Variants in PYROXD1 observed in about 807,000 individuals in gnomAD.
PYROXD1 encodes tRNA ligase complex-associated NAD(P)H dehydrogenase PYROXD1.
In PYROXD1, 42 loss-of-function variants were observed where a neutral mutation model predicts 62.0. That is an observed-to-expected ratio of 0.68 (90% CI 0.53 to 0.88). The LOEUF is 0.88. PYROXD1 is among the 40% of genes least tolerant of loss of function. The probability of loss-of-function intolerance (pLI) is 0.00; values close to 1 mark genes in which losing one functional copy is unlikely to be tolerated. For missense variants in PYROXD1, 493 were observed against 604.8 expected (o/e 0.82, Z 1.94); for synonymous variants, 170 against 206.4 (o/e 0.82, Z 1.51).
At chr12:21,458,087 C>T (rs1318324650) in intron 7 of PYROXD1, among the ~76,000 whole-genome samples, 1 of 152,144 alleles carries the variant, frequency 6.6e-6, no homozygotes, top group Non-Finnish European at 1.5e-5. Flanking sequence ...TTGACTTCTC[C>T]TCTATAGTTG....
chr12:21,459,020 G>A (rs1166732258), intron 7 of PYROXD1, among the ~76,000 whole-genome samples: 2 of 152,152 alleles, frequency 1.3e-5, no homozygotes, highest in African/African-American at 2.4e-5. Context: ...CAGTAGTGAA[G>A]CACAATAAAA....
intron 2 of PYROXD1, among the ~76,000 whole-genome samples, chr12:21,444,742 G>C (rs1337913386): frequency 6.6e-6 from 1 of 152,168 alleles, no homozygotes; most frequent in East Asian, 1.9e-4. Context: ...GAGCAGCTGA[G>C]GTTGAATATC....
rs370239493 is a variant in PYROXD1 at position 21,437,752 on chromosome 12, C to A, written c.22C>A (p.Pro8Thr). The A allele has an allele frequency of 3.5e-5, 56 of 1,613,086 alleles. 2 individuals are homozygous for A. In the Middle Eastern group the frequency reaches 1.2e-3, roughly 33 times the overall value. MEAARPP[P>T]TAGKFVVVGG... is the part of the protein sequence containing the mutation. ...CAGCATGGAGGCAGCGCGCCCTCCCCCGACGGCAGGGAAGTTCGTGGTGGT... is the reference window on the plus strand; with the variant it reads ...CAGCATGGAGGCAGCGCGCCCTCCCACGACGGCAGGGAAGTTCGTGGTGGT... The change falls in exon 1 of 12, where the codon CCG (proline) becomes ACG (threonine). Residue 8 changes from proline (P) to threonine (T), a missense_variant. By Grantham distance (38) the Pro-to-Thr change is conservative. Coordinates refer to ENST00000240651, the MANE Select transcript of PYROXD1 (RefSeq NM_024854.5).
chr12:21,464,361 T>G (rs1942753121), intron 10 of PYROXD1, among the ~76,000 whole-genome samples: 1 of 152,070 alleles, frequency 6.6e-6, no homozygotes, highest in Non-Finnish European at 1.5e-5. Context: ...GTTGTTACTG[T>G]GCTCAGTTTA....
At chr12:21,455,725 A>G (rs1942584294) in intron 6 of PYROXD1, among the ~76,000 whole-genome samples, 1 of 151,946 alleles carries the variant, frequency 6.6e-6, no homozygotes, top group African/African-American at 2.4e-5. Context: ...TTTGAAGGCT[A>G]ATTTTCTTAC....
intron 2 of PYROXD1, among the ~76,000 whole-genome samples, chr12:21,442,353 G>A (rs528812129): frequency 6.6e-6 from 1 of 152,304 alleles, no homozygotes; most frequent in Admixed American, 6.5e-5. Context: ...TGCTTGTGAG[G>A]CAGCCAGGGA....
At chr12:21,447,981 T>TTA in intron 3 of PYROXD1, 1 of 274,436 alleles carries the variant, frequency 3.6e-6, no homozygotes, top group East Asian at 6.8e-5. Context: ...AGACTCCATC[T>TTA]AAAAAAAAAA....
At position 21,468,833 on chromosome 12, in the gene PYROXD1, ATTGAG is replaced by A. The variant is rs1401153621; in HGVS notation, c.*82_*86del. Reference sequence around the variant, plus strand: ...ACAAGTCAATAAAATGAATGACTGTATTGAGTTAATGATGACCACACTGAAAATTA... The same window carrying A: ...ACAAGTCAATAAAATGAATGACTGTATTAATGATGACCACACTGAAAATTA... On this transcript the variant is annotated 3_prime_UTR_variant, in exon 12 of 12. Coordinates refer to ENST00000240651, the MANE Select transcript of PYROXD1 (RefSeq NM_024854.5). 7.8e-7 allele frequency: 1 copy of A among 1,277,664 alleles called. No individual in the cohort carries two copies. Among genetic ancestry groups the A allele is most frequent in the Admixed American group, 2.3e-5 (1 of 43,100 alleles). The allele number at this position is 1,277,664 out of a possible 1,614,324, so 79.1% of individuals were successfully genotyped here.
At chr12:21,467,344 T>C (rs1431700124) in intron 10 of PYROXD1, 137 bp from the exon 11 acceptor site, 1 of 709,888 alleles carries the variant, frequency 1.4e-6, no homozygotes, top group Non-Finnish European at 2.3e-6. Context: ...TAGTTATCCA[T>C]TGGTGACTGC....
At chr12:21,442,225 C>T (rs954051432) in intron 2 of PYROXD1, among the ~76,000 whole-genome samples, 2 of 152,086 alleles carry the variant, frequency 1.3e-5, no homozygotes, top group Non-Finnish European at 2.9e-5. Context: ...GAGCTGAGGC[C>T]CAAAACACAG....
chr12:21,467,377 A>C lies in PYROXD1; in HGVS notation c.1117-104A>C, dbSNP rs1019569840. 5.7e-5 allele frequency: 59 copies of C among 1,030,996 alleles called. No individual in the cohort carries two copies. In the African/African-American group the frequency reaches 9.3e-4, roughly 16 times the overall value. The allele number at this position is 1,030,996 out of a possible 1,614,324, so 63.9% of individuals were successfully genotyped here. The stretch of plus-strand genomic sequence containing the variant: ...TGCTTCTGTGGCAAAGATGACAGAA[A>C]GACTGTCAAACATTGAACTCCTTTA... On this transcript the variant is annotated intron_variant, in intron 10 of 11. Transcript: ENST00000240651.
intron 2 of PYROXD1, among the ~76,000 whole-genome samples, chr12:21,442,749 G>C (rs1238464918): frequency 6.6e-6 from 1 of 152,166 alleles, no homozygotes; most frequent in Non-Finnish European, 1.5e-5. Flanking sequence ...ATGGTTGTTG[G>C]TCCCCTCACA....
chr12:21,456,775 G>C, intron 7 of PYROXD1: 1 of 409,078 alleles, frequency 2.4e-6, no homozygotes, highest in Non-Finnish European at 4.8e-6. Flanking sequence ...ATTTTGCCCA[G>C]AGTAGAAGTT....
Position 21,467,604 on chromosome 12 carries a change from T to C in PYROXD1, c.1240T>C (p.Phe414Leu). Residue 414 changes from phenylalanine to leucine, a missense_variant, in exon 11 of 12, where the codon TTT becomes CTT. Phe to Leu is a conservative substitution (Grantham distance 22). This residue lies in a region of PYROXD1 where 329 missense variants were observed against 446.6 expected (regional missense o/e 0.74). Transcript: ENST00000240651. Reference protein sequence around the residue: ...SFELFAHVTKFFNYKVVLLGK... With the variant: ...SFELFAHVTKLFNYKVVLLGK... Reference sequence around the variant, plus strand: ...TGAACTGTTTGCTCATGTGACAAAATTTTTTAACTATAAGGTAAGATAGTT... The same window carrying C: ...TGAACTGTTTGCTCATGTGACAAAACTTTTTAACTATAAGGTAAGATAGTT... 6.2e-7 allele frequency: 1 copy of C among 1,610,382 alleles called. No individual in the cohort carries two copies. The highest frequency in any genetic ancestry group is 8.5e-7 in the Non-Finnish European group (1 of 1,177,898).
Position 21,441,750 on chromosome 12 carries a change from G to A in PYROXD1, c.165+1302G>A, listed in dbSNP as rs541439931. Among the ~76,000 whole-genome samples the A allele has an allele frequency of 1.9e-3, 286 of 152,298 alleles. 2 individuals are homozygous for A. Among genetic ancestry groups the A allele is most frequent in the African/African-American group, 6.5e-3 (271 of 41,556 alleles). Reference sequence around the variant, plus strand: ...AACAATTATTTTGAATTCTTAGGCAGTTCTGACATTTGTGTTCTTTTGGTG... The same window carrying A: ...AACAATTATTTTGAATTCTTAGGCAATTCTGACATTTGTGTTCTTTTGGTG... On this transcript the variant is annotated intron_variant, in intron 2 of 11. Transcript: ENST00000240651.
rs557749011 is a variant in PYROXD1 at position 21,470,350 on chromosome 12, C to A, written c.*1596C>A. On this transcript the variant is annotated 3_prime_UTR_variant, in exon 12 of 12. Transcript: ENST00000240651. The stretch of plus-strand genomic sequence containing the variant: ...GACAAGTTTGAGACGATTCAGCCTA[C>A]AAAAAAAAAAAAAAAACAAAGCAAG... 14,314 of 1,251,064 alleles carry A rather than the reference C, an allele frequency of 0.011. 44 individuals carry two copies. The highest frequency in any genetic ancestry group is 0.053 in the South Asian group (2,352 of 44,792). The allele number at this position is 1,251,064 out of a possible 1,614,324, so 77.5% of individuals were successfully genotyped here.
intron 5 of PYROXD1, among the ~76,000 whole-genome samples, chr12:21,452,573 C>T (rs4762830): frequency 0.49 from 75,069 of 151,878 alleles, 18,599 homozygotes; most frequent in Middle Eastern, 0.59. Flanking sequence ...TGTTACCTGT[C>T]TGGCCAGTGT....
intron 10 of PYROXD1, among the ~76,000 whole-genome samples, chr12:21,464,642 G>C (rs973298770): frequency 6.6e-6 from 1 of 151,912 alleles, no homozygotes; most frequent in East Asian, 1.9e-4. Context: ...TACGTTTCAG[G>C]TAAATGAACC....
At chr12:21,455,738 T>C (rs1776022269) in intron 6 of PYROXD1, among the ~76,000 whole-genome samples, 1 of 151,986 alleles carries the variant, frequency 6.6e-6, no homozygotes, top group Admixed American at 6.6e-5. Context: ...TTTCTTACCC[T>C]TCCAGTTAAC....
Sources: allele counts gnomAD v4.1 joint callset (sites outside exome capture counted in the v4.1 genomes callset), GRCh38; gene constraint gnomAD v4.1.1; regional missense constraint gnomAD v4.1.1; transcripts MANE v1.5; gene names NCBI Gene and HGNC (gene_info 2026-07-23, HGNC 2026-07-21).